CYTH1: variants seen among roughly 807,000 people sequenced by gnomAD.
CYTH1 encodes the protein cytohesin 1.
A neutral mutation model predicts 61.8 loss-of-function variants in CYTH1; 18 were observed. The observed-to-expected ratio is 0.29, with a 90% CI of 0.20 to 0.43. CYTH1 has a LOEUF of 0.43. Ranked by LOEUF, CYTH1 falls within the 20% of genes least tolerant of loss-of-function variation. The probability of loss-of-function intolerance (pLI) is 1.00; values close to 1 mark genes in which losing one functional copy is unlikely to be tolerated. For missense variants in CYTH1, 336 were observed against 510.5 expected, an observed-to-expected ratio of 0.66 and a Z score of 3.29; for synonymous variants, 174 against 184.3, an observed-to-expected ratio of 0.94 and a Z score of 0.45.
At chr17:78,725,902 A>G (rs1343554013) in intron 1 of CYTH1, among the ~76,000 whole-genome samples, 1 of 152,174 alleles carries the variant, frequency 6.6e-6, no homozygotes, top group Middle Eastern at 3.2e-3. Context: ...GCCACAATAT[A>G]TACCACACAA....
At chr17:78,687,285 T>G (rs2092826421) in intron 11 of CYTH1, among the ~76,000 whole-genome samples, 3 of 151,964 alleles carry the variant, frequency 2.0e-5, no homozygotes, top group Admixed American at 2.0e-4. Flanking sequence ...AATCACTCTT[T>G]GGCTGCTGTC....
intron 1 of CYTH1, among the ~76,000 whole-genome samples, chr17:78,728,153 T>C (rs984645984): frequency 4.6e-5 from 7 of 152,102 alleles, no homozygotes; most frequent in African/African-American, 1.7e-4. Context: ...CAGCCTCTCA[T>C]CTAGACAGGA....
intron 11 of CYTH1, among the ~76,000 whole-genome samples, chr17:78,688,790 C>T (rs2092844993): frequency 1.3e-5 from 2 of 152,184 alleles, no homozygotes; most frequent in South Asian, 4.1e-4. Context: ...GCTTTCATGG[C>T]TTTGTTGGGT....
At chr17:78,685,100 G>A (rs1396941230) in intron 11 of CYTH1, among the ~76,000 whole-genome samples, 1 of 151,004 alleles carries the variant, frequency 6.6e-6, no homozygotes, top group Non-Finnish European at 1.5e-5. Flanking sequence ...TCAGGAGGAT[G>A]AGGCAGGAGA....
At position 78,674,873 on chromosome 17, in the gene CYTH1, C is replaced by G. The variant is rs1363586829; in HGVS notation, c.*1218G>C. The G allele has an allele frequency of 6.5e-6, 1 of 152,962 alleles. No individual in the cohort carries two copies. The highest frequency in any genetic ancestry group is 1.5e-5 in the Non-Finnish European group (1 of 68,672). 9.5% of individuals were successfully genotyped at this position (152,962 alleles called of 1,614,324 possible). The stretch of plus-strand genomic sequence containing the variant: ...CTGTAATGAGGAGGGGCAGGGCCAG[C>G]TCACACAGCGCCTGCAGGGGAAGAC... On this transcript the variant is annotated 3_prime_UTR_variant, in exon 14 of 14. Transcript: ENST00000446868.
At chr17:78,780,767 G>A (rs2093513646) in intron 1 of CYTH1, among the ~76,000 whole-genome samples, 1 of 152,192 alleles carries the variant, frequency 6.6e-6, no homozygotes, top group African/African-American at 2.4e-5. Flanking sequence ...AGCACTTTGG[G>A]AGGCCGAGGC....
At chr17:78,678,483 A>ACC (rs1237468997) in intron 13 of CYTH1, 1 of 152,238 alleles carries the variant, frequency 6.6e-6, no homozygotes, top group African/African-American at 2.4e-5. Context: ...TGGTGTCCGG[A>ACC]CCATCAGCTA....
At chr17:78,740,446 C>G (rs918589816) in intron 1 of CYTH1, among the ~76,000 whole-genome samples, 1 of 152,222 alleles carries the variant, frequency 6.6e-6, no homozygotes, top group Non-Finnish European at 1.5e-5. Context: ...AAGAGGGACT[C>G]TGACTGGCTC....
chr17:78,734,622 T>A (rs1314792486), intron 1 of CYTH1, among the ~76,000 whole-genome samples: 3 of 151,890 alleles, frequency 2.0e-5, no homozygotes, highest in Admixed American at 1.3e-4. Context: ...GTATTTTTAG[T>A]AGAGACAGGG....
chr17:78,710,395 A>C (rs2093116699), intron 1 of CYTH1, among the ~76,000 whole-genome samples: 1 of 152,206 alleles, frequency 6.6e-6, no homozygotes, highest in Non-Finnish European at 1.5e-5. Flanking sequence ...GAAGAAAGTT[A>C]CTTAATTCCC....
At chr17:78,694,660 T>C (rs1263803855) in intron 10 of CYTH1, among the ~76,000 whole-genome samples, 1 of 152,082 alleles carries the variant, frequency 6.6e-6, no homozygotes, top group African/African-American at 2.4e-5. Flanking sequence ...TGACCTCCCA[T>C]GCGCTCCATC....
intron 1 of CYTH1, 133 bp from the exon 2 acceptor site, chr17:78,709,865 G>T (rs1047153498): frequency 5.6e-6 from 4 of 716,204 alleles, no homozygotes; most frequent in Admixed American, 2.8e-5. Flanking sequence ...CTGAGTGATA[G>T]AAATAGTTAT....
At chr17:78,709,278 C>T (rs983104518) in intron 2 of CYTH1, 11 of 105,658 alleles carry the variant, frequency 1.0e-4, no homozygotes, top group African/African-American at 3.0e-4. Flanking sequence ...AGCGGCAGAG[C>T]CAGAGCCAGG....
At chr17:78,761,500 A>G (rs1477169298) in intron 1 of CYTH1, among the ~76,000 whole-genome samples, 3 of 152,190 alleles carry the variant, frequency 2.0e-5, no homozygotes, top group African/African-American at 7.2e-5. Flanking sequence ...ACACTTTGGG[A>G]GGCCGAGGCG....
chr17:78,772,831 T>G (rs1347057148), intron 1 of CYTH1, among the ~76,000 whole-genome samples: 1 of 151,100 alleles, frequency 6.6e-6, no homozygotes, highest in African/African-American at 2.4e-5. Flanking sequence ...CCACCACACC[T>G]GGCCTGTTTT....
At chr17:78,679,340 T>C (rs2092733302) in intron 13 of CYTH1, among the ~76,000 whole-genome samples, 1 of 152,128 alleles carries the variant, frequency 6.6e-6, no homozygotes, top group Non-Finnish European at 1.5e-5. Context: ...GGCAAGGCTG[T>C]GCTCTTAGGA....
intron 1 of CYTH1, among the ~76,000 whole-genome samples, chr17:78,734,286 AAATAGCTAAAAATAAT>A (rs2093309623): frequency 6.6e-6 from 1 of 152,078 alleles, no homozygotes; most frequent in Non-Finnish European, 1.5e-5. Flanking sequence ...TAACAAGATT[AAATAGCTAAAAATAAT>A]AATAACTTAT....
rs1231721534 is a variant in CYTH1, at chr17:78,700,737, C to A, written c.438-294G>T. On this transcript the variant is annotated intron_variant, in intron 6 of 13. Transcript: ENST00000446868. This position sits in a 1 kb window ranked among gnomAD's most constrained non-coding sequence, Gnocchi z 5.1. ...ACGGGGTTTCACCATGCTGGCCAGG[C>A]TGGTCTCAAACTCCTGGCCTCAAGT... Among the ~76,000 whole-genome samples, 1 of 152,044 alleles carries A rather than the reference C, an allele frequency of 6.6e-6. No homozygotes were observed. The highest frequency in any genetic ancestry group is 1.5e-5 in the Non-Finnish European group (1 of 67,992).
intron 1 of CYTH1, among the ~76,000 whole-genome samples, chr17:78,748,354 C>G (rs2093367159): frequency 6.6e-6 from 1 of 152,172 alleles, no homozygotes; most frequent in Non-Finnish European, 1.5e-5. Context: ...GTGTGATTAA[C>G]AAATAGTTTC....
Sources: gnomAD v4.1 joint callset for allele counts (sites outside exome capture counted in the v4.1 genomes callset) on GRCh38, gnomAD v4.1.1 for gene constraint, Gnocchi (gnomAD v3.1) non-coding constraint, MANE v1.5 for transcripts, NCBI Gene and HGNC (gene_info 2026-07-23, HGNC 2026-07-21) for gene names.